The following PTPN3 variants were observed in gnomAD, a reference collection of about 807,000 sequenced individuals.
The protein encoded by PTPN3 is protein tyrosine phosphatase non-receptor type 3, also known as tyrosine-protein phosphatase non-receptor type 3.
In PTPN3, 96 loss-of-function variants were observed where a neutral mutation model predicts 132.7. That is an observed-to-expected ratio of 0.72 (90% CI 0.61 to 0.86). PTPN3 has a LOEUF of 0.86. PTPN3 is among the 40% of genes least tolerant of loss of function. The probability of loss-of-function intolerance (pLI) is 0.00; values close to 1 mark genes in which losing one functional copy is unlikely to be tolerated. For synonymous variants in PTPN3, 398 were observed against 429.0 expected (o/e 0.93, Z 0.89); for missense variants, 1,125 against 1,159.6 (o/e 0.97, Z 0.43).
the PTPN3 span, among the ~76,000 whole-genome samples, chr9:109,513,189 CT>C: frequency 6.1e-5 from 9 of 148,656 alleles, no homozygotes; most frequent in South Asian, 4.3e-4. Flanking sequence ...TCTTAAATTT[CT>C]TTTTTTTTTA....
the PTPN3 span, among the ~76,000 whole-genome samples, chr9:109,519,366 G>A: frequency 6.6e-6 from 1 of 152,192 alleles, no homozygotes; most frequent in Non-Finnish European, 1.5e-5. Flanking sequence ...CATGTTTAAG[G>A]GAGACAGGGC....
At chr9:109,477,496 C>T (rs758546632) in intron 1 of PTPN3, among the ~76,000 whole-genome samples, 2 of 152,156 alleles carry the variant, frequency 1.3e-5, no homozygotes, top group Non-Finnish European at 2.9e-5. Context: ...GTGAAGGTCA[C>T]GGTGATTTCA....
At position 109,433,084 on chromosome 9, in the gene PTPN3, A is replaced by T. The variant is rs1843776121; in HGVS notation, c.753T>A (p.Ser251Arg). ...CTGTTTGCACTTACCAAGGATAGAAACTTGTGCAAATGTATTTTCGGTACA... is the reference window on the plus strand; with the variant it reads ...CTGTTTGCACTTACCAAGGATAGAATCTTGTGCAAATGTATTTTCGGTACA... Reference protein sequence around the residue: ...VAVYRKYICTSFYPWVNILKI... With the variant: ...VAVYRKYICTRFYPWVNILKI... Residue 251 changes from serine (S) to arginine (R), a missense_variant, in exon 10 of 26, where the codon AGT becomes AGA. By Grantham distance (110) the Ser-to-Arg change is moderately radical. Coordinates refer to ENST00000374541, the MANE Select transcript of PTPN3 (RefSeq NM_002829.4). 6.2e-7 allele frequency: 1 copy of T among 1,614,014 alleles called. No individual in the cohort carries two copies. Among genetic ancestry groups the T allele is most frequent in the South Asian group, 1.1e-5 (1 of 91,072 alleles).
chr9:109,519,226 C>T, the PTPN3 span, among the ~76,000 whole-genome samples: 3 of 152,214 alleles, frequency 2.0e-5, no homozygotes, highest in Non-Finnish European at 4.4e-5. Context: ...TTACAACTTT[C>T]GACTTTACAG....
intron 23 of PTPN3, 81 bp downstream of exon 23, chr9:109,383,342 T>G (rs931499502): frequency 1.1e-5 from 18 of 1,609,824 alleles, no homozygotes; most frequent in Middle Eastern, 3.3e-4. Context: ...AGTGCACACC[T>G]AGAAGCGTGA....
chr9:109,385,131 C>G (rs532879711), intron 22 of PTPN3, among the ~76,000 whole-genome samples: 66 of 152,356 alleles, frequency 4.3e-4, no homozygotes, highest in African/African-American at 1.6e-3. Flanking sequence ...GCCAGAGAGA[C>G]TCCCCTTATT....
In PTPN3 at chr9:109,495,565, G is replaced by A. The variant is rs374442601; in HGVS notation, c.-18+2654C>T. On this transcript the variant is annotated intron_variant, in intron 1 of 25. Transcript: ENST00000374541. ...GCCAGCTCAGTTTCCTTATCTGCAA[G>A]GTGGGGAATGGGGTGGGGTTTGGCA... Among the ~76,000 whole-genome samples the A allele has an allele frequency of 1.4e-4, 22 of 152,308 alleles. No homozygotes were observed. The East Asian group carries it at 4.1e-3, about 28-fold the overall frequency.
chr9:109,441,632 G>A (rs2131956126), intron 7 of PTPN3, among the ~76,000 whole-genome samples: 1 of 152,212 alleles, frequency 6.6e-6, no homozygotes, highest in South Asian at 2.1e-4. Context: ...GGAACATTCT[G>A]GAATAAACAT....
intron 11 of PTPN3, 49 bp from the exon 12 acceptor site, chr9:109,427,171 G>C: frequency 6.3e-7 from 1 of 1,584,090 alleles, no homozygotes. Context: ...ATAGGAGCAG[G>C]GACTTGTAAG....
intron 1 of PTPN3, among the ~76,000 whole-genome samples, chr9:109,488,265 A>AT (rs1211921172): frequency 1.3e-5 from 2 of 151,582 alleles, no homozygotes; most frequent in African/African-American, 4.9e-5. Context: ...GCACTGTGTA[A>AT]TTTTTTGTAT....
chr9:109,476,101 G>T (rs1233172368), intron 1 of PTPN3, among the ~76,000 whole-genome samples: 1 of 152,120 alleles, frequency 6.6e-6, no homozygotes, highest in African/African-American at 2.4e-5. Flanking sequence ...TCCTCTGCCT[G>T]TAAGGTTTTA....
intron 25 of PTPN3, among the ~76,000 whole-genome samples, chr9:109,381,283 C>T (rs961392556): frequency 6.6e-6 from 1 of 152,130 alleles, no homozygotes; most frequent in Non-Finnish European, 1.5e-5. Context: ...AGCAGGTACT[C>T]AGGCACCACA....
chr9:109,379,924 A>G (rs1285272405), intron 25 of PTPN3, among the ~76,000 whole-genome samples: 1 of 152,164 alleles, frequency 6.6e-6, no homozygotes. Context: ...TGTAAGTGGA[A>G]GTGTGGAAGC....
At chr9:109,432,786 A>T (rs1044519071) in intron 10 of PTPN3, among the ~76,000 whole-genome samples, 1 of 152,238 alleles carries the variant, frequency 6.6e-6, no homozygotes, top group Non-Finnish European at 1.5e-5. Flanking sequence ...TGTACTGCCC[A>T]GGAAAAATTC....
chr9:109,500,263 G>A (rs775494664), upstream of PTPN3, among the ~76,000 whole-genome samples: 1 of 152,216 alleles, frequency 6.6e-6, no homozygotes, highest in Non-Finnish European at 1.5e-5. Flanking sequence ...GGAAACCGAG[G>A]TCAACGGAGG....
At chr9:109,456,178 T>C (rs943148340) in intron 4 of PTPN3, among the ~76,000 whole-genome samples, 7 of 152,224 alleles carry the variant, frequency 4.6e-5, no homozygotes, top group African/African-American at 1.7e-4. Flanking sequence ...GGGCATCCTG[T>C]GTATGCGCAC....
intron 2 of PTPN3, among the ~76,000 whole-genome samples, chr9:109,461,664 G>A (rs1158444372): frequency 1.3e-5 from 2 of 152,194 alleles, no homozygotes; most frequent in Admixed American, 1.3e-4. Flanking sequence ...GGCTGAAGTG[G>A]GAGGATTGCT....
intron 6 of PTPN3, 46 bp downstream of exon 6, chr9:109,448,765 A>AT (rs1845028142): frequency 6.5e-7 from 1 of 1,529,556 alleles, no homozygotes. Flanking sequence ...AAAACCAGGA[A>AT]TTTTGCTAGT....
intron 14 of PTPN3, among the ~76,000 whole-genome samples, chr9:109,413,392 A>G (rs1310935182): frequency 6.6e-6 from 1 of 152,212 alleles, no homozygotes; most frequent in East Asian, 1.9e-4. Flanking sequence ...AGTGTGCAAG[A>G]TGGACAGACA....
Sources: allele counts gnomAD v4.1 joint callset (sites outside exome capture counted in the v4.1 genomes callset), GRCh38; gene constraint gnomAD v4.1.1; transcripts MANE v1.5; gene names NCBI Gene and HGNC (gene_info 2026-07-23, HGNC 2026-07-21).